ADAM17: variants seen among roughly 807,000 people sequenced by gnomAD.
ADAM17 encodes disintegrin and metalloproteinase domain-containing protein 17.
In ADAM17, 39 loss-of-function variants were observed where a neutral mutation model predicts 96.7. The observed-to-expected ratio is 0.40, with a 90% CI of 0.31 to 0.53. ADAM17 has a LOEUF of 0.53. Ranked by LOEUF, ADAM17 falls within the 20% of genes least tolerant of loss-of-function variation. The pLI is 0.44. For synonymous variants in ADAM17, 344 were observed against 359.2 expected, an observed-to-expected ratio of 0.96 and a Z score of 0.48; for missense variants, 777 against 1,013.2, an observed-to-expected ratio of 0.77 and a Z score of 3.17.
intron 10 of ADAM17, among the ~76,000 whole-genome samples, chr2:9,513,181 G>A (rs1238190658): frequency 6.6e-6 from 1 of 152,082 alleles, no homozygotes; most frequent in African/African-American, 2.4e-5. Flanking sequence ...TTTTAGTAGA[G>A]ACGAGGTTTC....
At chr2:9,496,109 T>C (rs957080303) in intron 14 of ADAM17, among the ~76,000 whole-genome samples, 2 of 151,966 alleles carry the variant, frequency 1.3e-5, no homozygotes, top group Non-Finnish European at 2.9e-5. Flanking sequence ...TCTTTGTCTT[T>C]TATTTATTTT....
At chr2:9,548,746 A>T (rs1665492549) in intron 1 of ADAM17, among the ~76,000 whole-genome samples, 1 of 152,170 alleles carries the variant, frequency 6.6e-6, no homozygotes, top group South Asian at 2.1e-4. Flanking sequence ...AGGGAGAGTA[A>T]ATCTATGTTA....
intron 11 of ADAM17, 33 bp downstream of exon 11, chr2:9,509,946 A>G (rs1436394065): frequency 6.2e-7 from 1 of 1,611,620 alleles, no homozygotes; most frequent in Non-Finnish European, 8.5e-7. Context: ...GCCTCTTTCC[A>G]AACCACATAA....
In ADAM17 at chr2:9,489,725, C is replaced by CAAAAAAAA. The variant is rs548548539; in HGVS notation, c.*444_*451dup. Reference sequence around the variant, plus strand: ...TATCTCCTTTGTTTTTAGTTGAAGGCAAAAAAAAAAAAAAAAAAAAAAAAC... The same window carrying CAAAAAAAA: ...TATCTCCTTTGTTTTTAGTTGAAGGCAAAAAAAAAAAAAAAAAAAAAAAAAAAAAAAAC... On this transcript the variant is annotated 3_prime_UTR_variant, in exon 19 of 19. Coordinates refer to ENST00000310823, the MANE Select transcript of ADAM17 (RefSeq NM_003183.6). The CAAAAAAAA allele has an allele frequency of 1.3e-5, 1 of 78,330 alleles. No homozygotes were observed. The highest frequency in any genetic ancestry group is 5.0e-4 in the South Asian group (1 of 1,994). The allele number at this position is 78,330 out of a possible 1,614,324, so 4.9% of individuals were successfully genotyped here.
chr2:9,555,809 C>T lies in ADAM17; in HGVS notation c.-204G>A. The T allele has an allele frequency of 2.3e-6, 1 of 440,218 alleles. No homozygotes were observed. The highest frequency in any genetic ancestry group is 4.0e-6 in the Non-Finnish European group (1 of 251,716). The allele number at this position is 440,218 out of a possible 1,614,324, so 27.3% of individuals were successfully genotyped here. On this transcript the variant is annotated 5_prime_UTR_variant, in exon 1 of 19. Transcript: ENST00000310823. ...CAGGTGGCGTTACCAAAGGCCGGCT[C>T]AGCCAGCTTCCGGCCGCCGCTGTCC...
rs746768799 is a variant in ADAM17, at chr2:9,492,938, AAGG to A, written c.2039_2041del (p.Ser680del). The A allele has an allele frequency of 1.2e-6, 2 of 1,613,224 alleles. No homozygotes were observed. The highest frequency in any genetic ancestry group is 1.7e-6 in the Non-Finnish European group (2 of 1,179,488). ...AATGCTGAAAGGAATCCAAAATATC[AAGG>A]AGAAAACCAGGACAGACCCAACGAT... On this transcript the variant is annotated inframe_deletion, in exon 17 of 19. Coordinates refer to ENST00000310823, the MANE Select transcript of ADAM17 (RefSeq NM_003183.6).
chr2:9,497,606 C>G (rs1662708607), intron 13 of ADAM17, among the ~76,000 whole-genome samples: 1 of 152,244 alleles, frequency 6.6e-6, no homozygotes. Context: ...CCTTCCCTAT[C>G]TGGCCCTGAC....
At chr2:9,555,214 C>T (rs1665702637) in intron 1 of ADAM17, among the ~76,000 whole-genome samples, 1 of 152,160 alleles carries the variant, frequency 6.6e-6, no homozygotes, top group Non-Finnish European at 1.5e-5. Flanking sequence ...CACCCTACTC[C>T]TTACCGCTTT....
chr2:9,539,894 G>A (rs1227360916), intron 2 of ADAM17, among the ~76,000 whole-genome samples: 2 of 152,106 alleles, frequency 1.3e-5, no homozygotes, highest in Admixed American at 1.3e-4. Flanking sequence ...CGGTTTTGGG[G>A]ATTAAAGGAA....
chr2:9,546,977 G>C (rs1209253334), intron 1 of ADAM17, among the ~76,000 whole-genome samples: 2 of 152,204 alleles, frequency 1.3e-5, no homozygotes, highest in African/African-American at 2.4e-5. Flanking sequence ...AAAGTGCTGG[G>C]ATTACAGGCG....
At chr2:9,502,879 C>CA (rs758081961) in intron 12 of ADAM17, among the ~76,000 whole-genome samples, 4,464 of 43,458 alleles carry the variant, frequency 0.1, 790 homozygotes, top group African/African-American at 0.34. Context: ...AATTCTGTCT[C>CA]AAAAAAAAAA....
At chr2:9,495,405 A>G (rs1403556400) in intron 14 of ADAM17, among the ~76,000 whole-genome samples, 1 of 152,258 alleles carries the variant, frequency 6.6e-6, no homozygotes, top group East Asian at 1.9e-4. Flanking sequence ...CACAAAAACA[A>G]GCAAAAAGAA....
intron 4 of ADAM17, 128 bp downstream of exon 4, chr2:9,535,706 C>T: frequency 2.0e-6 from 1 of 512,030 alleles, no homozygotes. Flanking sequence ...GTCTACTTTC[C>T]TAGTAAAAAA....
chr2:9,525,295 T>G, intron 6 of ADAM17, among the ~76,000 whole-genome samples: 2 of 137,480 alleles, frequency 1.5e-5, no homozygotes, highest in Non-Finnish European at 3.1e-5. Context: ...TGAGACTCTG[T>G]GTTGAAAAAA....
chr2:9,492,973 T>C lies in ADAM17; in HGVS notation c.2007A>G (p.Ala669=). The C allele has an allele frequency of 6.2e-7, 1 of 1,610,768 alleles. No individual in the cohort carries two copies. The highest frequency in any genetic ancestry group is 8.5e-7 in the Non-Finnish European group (1 of 1,178,306). ...LSINTFGKFL[A]DNIVGSVLVF... ...CCAGGACAGACCCAACGATGTTGTC[T>C]GCTAAAAACTTTCCTGTGAACAATT... The change falls in exon 17 of 19, where the codon GCA becomes GCG. Residue 669 remains alanine, a synonymous_variant. Transcript: ENST00000310823.
chr2:9,505,363 C>T lies in ADAM17; in HGVS notation c.1347G>A (p.Met449Ile). ...AVSGDHENNK[M>I]FSNCSKQSIY... ...TTGATTGTTTACTGCAGTTTGAAAA[C>T]ATCTTGAGAGAAAAAAGGCAATAAG... Residue 449 changes from methionine to isoleucine, a missense_variant and splice_region_variant, in exon 12 of 19, where the codon ATG (methionine) becomes ATA (isoleucine). Coordinates refer to ENST00000310823, the MANE Select transcript of ADAM17 (RefSeq NM_003183.6). 1 of 1,613,736 alleles carries T rather than the reference C, an allele frequency of 6.2e-7. No individual in the cohort carries two copies. The highest frequency in any genetic ancestry group is 8.5e-7 in the Non-Finnish European group (1 of 1,179,706).
intron 1 of ADAM17, among the ~76,000 whole-genome samples, chr2:9,547,877 C>A (rs1223382333): frequency 6.6e-6 from 1 of 152,072 alleles, no homozygotes; most frequent in Middle Eastern, 3.4e-3. Context: ...ACAGCAAAAC[C>A]CCGTCTCTAC....
rs13389456 is a variant in ADAM17, at chr2:9,525,425, T to C, written c.753+686A>G. Among the ~76,000 whole-genome samples, 1,290 of 152,280 alleles carry C rather than the reference T, an allele frequency of 8.5e-3. 13 individuals are homozygous for C. Among genetic ancestry groups the C allele is most frequent in the African/African-American group, 0.03 (1,230 of 41,562 alleles). ...AGACATCTTTACTGCACCAGCTTCT[T>C]CTTGCTTCATGAATAGCTGCATTCT... On this transcript the variant is annotated intron_variant, in intron 6 of 18. Coordinates refer to ENST00000310823, the MANE Select transcript of ADAM17 (RefSeq NM_003183.6).
At chr2:9,541,623 G>A (rs1025226393) in intron 2 of ADAM17, among the ~76,000 whole-genome samples, 16 of 152,072 alleles carry the variant, frequency 1.1e-4, no homozygotes, top group African/African-American at 3.6e-4. Flanking sequence ...AACCTCTCTG[G>A]GTCTGAGAAG....
Sources: gnomAD v4.1 joint callset for allele counts (sites outside exome capture counted in the v4.1 genomes callset) on GRCh38, gnomAD v4.1.1 for gene constraint, MANE v1.5 for transcripts, NCBI Gene and HGNC (gene_info 2026-07-23, HGNC 2026-07-21) for gene names.